GABBR2: variants seen among roughly 807,000 people sequenced by gnomAD.
GABBR2 encodes G-protein coupled receptor 51.
In GABBR2, 23 loss-of-function variants were observed where a neutral mutation model predicts 105.6. The observed-to-expected ratio is 0.22, with a 90% CI of 0.16 to 0.31. The LOEUF is 0.31. Ranked by LOEUF, GABBR2 falls within the 10% of genes least tolerant of loss-of-function variation. The probability of loss-of-function intolerance (pLI) is 1.00; values close to 1 mark genes in which losing one functional copy is unlikely to be tolerated. For missense variants in GABBR2, 734 were observed against 1,245.5 expected, an observed-to-expected ratio of 0.59 and a Z score of 6.18; for synonymous variants, 478 against 499.7, an observed-to-expected ratio of 0.96 and a Z score of 0.58.
At chr9:98,349,369 TTTTTTTTTTTC>T in intron 13 of GABBR2, among the ~76,000 whole-genome samples, 3 of 97,966 alleles carry the variant, frequency 3.1e-5, no homozygotes, top group African/African-American at 7.3e-5. Flanking sequence ...TTTTTTTTTT[TTTTTTTTTTTC>T]GGGACAGAGT....
intron 3 of GABBR2, among the ~76,000 whole-genome samples, chr9:98,527,564 A>T (rs570191050): frequency 5.8e-4 from 88 of 152,110 alleles, no homozygotes; most frequent in Non-Finnish European, 1.2e-3. Flanking sequence ...TATCCCACCA[A>T]TAACCACTTA....
intron 7 of GABBR2, among the ~76,000 whole-genome samples, chr9:98,410,505 C>A: frequency 7.9e-6 from 1 of 126,482 alleles, no homozygotes; most frequent in East Asian, 2.3e-4. Flanking sequence ...GAGGGAAAAG[C>A]TTTTTTTTTT....
At chr9:98,374,459 C>T (rs930465590) in intron 11 of GABBR2, among the ~76,000 whole-genome samples, 1 of 152,192 alleles carries the variant, frequency 6.6e-6, no homozygotes, top group African/African-American at 2.4e-5. Context: ...TATCTGAGAG[C>T]TTGGATTCTG....
chr9:98,430,660 T>C (rs1418586500), intron 7 of GABBR2, among the ~76,000 whole-genome samples: 1 of 152,158 alleles, frequency 6.6e-6, no homozygotes, highest in East Asian at 1.9e-4. Flanking sequence ...TGAGCAGACC[T>C]GCATAGTTCT....
intron 1 of GABBR2, among the ~76,000 whole-genome samples, chr9:98,705,911 T>C (rs1449658358): frequency 1.3e-5 from 2 of 151,784 alleles, no homozygotes; most frequent in Non-Finnish European, 2.9e-5. Flanking sequence ...ACCCCATCTC[T>C]ACTAAAAATA....
chr9:98,297,642 A>C (rs1830403038), intron 17 of GABBR2, among the ~76,000 whole-genome samples: 1 of 94,162 alleles, frequency 1.1e-5, no homozygotes, highest in Non-Finnish European at 2.3e-5. Context: ...TAAATAAAAT[A>C]AAGATTTTTC....
chr9:98,307,382 C>T (rs1402734623), intron 14 of GABBR2, among the ~76,000 whole-genome samples: 1 of 152,096 alleles, frequency 6.6e-6, no homozygotes, highest in African/African-American at 2.4e-5. Context: ...GTGTGGTGGG[C>T]AGGAGGAAGA....
intron 1 of GABBR2, among the ~76,000 whole-genome samples, chr9:98,627,327 C>T (rs1829752824): frequency 6.6e-6 from 1 of 152,138 alleles, no homozygotes; most frequent in Non-Finnish European, 1.5e-5. Context: ...GTGCCTGGAC[C>T]ACCAGAAGCT....
intron 10 of GABBR2, 110 bp from the exon 11 acceptor site, chr9:98,385,882 GGA>G: frequency 2.4e-6 from 2 of 832,212 alleles, no homozygotes. Context: ...AGGCTAGAGG[GGA>G]GAGAGAGAAA....
chr9:98,667,370 C>T (rs932608469), intron 1 of GABBR2, among the ~76,000 whole-genome samples: 2 of 152,178 alleles, frequency 1.3e-5, no homozygotes, highest in African/African-American at 4.8e-5. Flanking sequence ...CTGCCATCCA[C>T]TGTCCAGGTC....
intron 13 of GABBR2, among the ~76,000 whole-genome samples, chr9:98,312,315 G>GTCAT (rs1460513550): frequency 6.6e-6 from 1 of 152,134 alleles, no homozygotes; most frequent in Non-Finnish European, 1.5e-5. Context: ...GGTCTTTCAT[G>GTCAT]TCATTGTTTC....
chr9:98,662,904 C>A lies in GABBR2; in HGVS notation c.321+45513G>T, dbSNP rs1005828739. Among the ~76,000 whole-genome samples the A allele has an allele frequency of 1.3e-5, 2 of 152,174 alleles. 1 individual carries two copies. The highest frequency in any genetic ancestry group is 4.1e-4 in the South Asian group (2 of 4,826). ...ATGGAAGCCCAGACAAGGTAACACA[C>A]ACCAGAGCTGTGCGACCCAGACAGC... is the stretch of plus-strand genomic sequence containing the variant. On this transcript the variant is annotated intron_variant, in intron 1 of 18. Transcript: ENST00000259455.
intron 7 of GABBR2, among the ~76,000 whole-genome samples, chr9:98,440,268 C>A (rs1002575731): frequency 3.9e-5 from 6 of 152,204 alleles, no homozygotes; most frequent in Admixed American, 6.5e-5. Flanking sequence ...CTCTGACAAA[C>A]CTTCTGCAAA....
At chr9:98,594,292 C>T (rs974531506) in intron 1 of GABBR2, among the ~76,000 whole-genome samples, 3 of 152,222 alleles carry the variant, frequency 2.0e-5, no homozygotes, top group Non-Finnish European at 2.9e-5. Context: ...CCTCCCACCC[C>T]GTGGCTGAGA....
chr9:98,359,522 T>C (rs1831545655), intron 13 of GABBR2, among the ~76,000 whole-genome samples: 1 of 152,230 alleles, frequency 6.6e-6, no homozygotes, highest in Admixed American at 6.5e-5. Context: ...AGTAGGCCTC[T>C]AGGGGACTTG....
chr9:98,562,849 C>T (rs1828695152), intron 2 of GABBR2, among the ~76,000 whole-genome samples: 1 of 151,992 alleles, frequency 6.6e-6, no homozygotes. Flanking sequence ...GTGAGAGGAT[C>T]ACTTGAGGTC....
chr9:98,637,271 A>C (rs1390971482), intron 1 of GABBR2, among the ~76,000 whole-genome samples: 1 of 152,182 alleles, frequency 6.6e-6, no homozygotes, highest in African/African-American at 2.4e-5. Flanking sequence ...AAAGGGAGAC[A>C]CAGTTGGCTA....
intron 18 of GABBR2, among the ~76,000 whole-genome samples, chr9:98,292,327 A>G (rs1031255679): frequency 6.6e-6 from 1 of 152,226 alleles, no homozygotes. Flanking sequence ...TAACTTCCCC[A>G]TGGAAACAAA....
chr9:98,521,484 G>T (rs1588210131), intron 3 of GABBR2, among the ~76,000 whole-genome samples: 1 of 152,310 alleles, frequency 6.6e-6, no homozygotes, highest in Admixed American at 6.5e-5. Flanking sequence ...TGGGTCATTA[G>T]ATCTACGAAC....
Sources: allele counts gnomAD v4.1 joint callset (sites outside exome capture counted in the v4.1 genomes callset), GRCh38; gene constraint gnomAD v4.1.1; transcripts MANE v1.5; gene names NCBI Gene and HGNC (gene_info 2026-07-23, HGNC 2026-07-21).